EPHA6: variants seen among roughly 807,000 people sequenced by gnomAD.
EPHA6 encodes ephrin type-A receptor 6.
A neutral mutation model predicts 112.0 loss-of-function variants in EPHA6; 50 were observed. The observed-to-expected ratio is 0.45, with a 90% CI of 0.36 to 0.56. EPHA6 has a LOEUF of 0.56. EPHA6 is among the 20% of genes least tolerant of loss of function. EPHA6 has a pLI of 0.00. For missense variants in EPHA6, 1,280 were observed against 1,417.4 expected (o/e 0.90, Z 1.56); for synonymous variants, 529 against 490.7 (o/e 1.08, Z -1.03).
chr3:97,074,810 C>A lies in EPHA6; in HGVS notation c.1114+86817C>A, dbSNP rs533460152. ...TCTTTTCACAACTCTCAGCATTGTTCTCTGAACTCTGGATATCTAAAAACA... is the reference window on the plus strand; with the variant it reads ...TCTTTTCACAACTCTCAGCATTGTTATCTGAACTCTGGATATCTAAAAACA... On this transcript the variant is annotated intron_variant, in intron 3 of 17. Coordinates refer to ENST00000389672, the MANE Select transcript of EPHA6 (RefSeq NM_001080448.3). Among the ~76,000 whole-genome samples the A allele has an allele frequency of 2.0e-5, 3 of 152,038 alleles. No individual in the cohort carries two copies. The South Asian group carries it at 6.2e-4, about 32-fold the overall frequency.
At chr3:96,842,511 C>G (rs1037991008) in intron 1 of EPHA6, among the ~76,000 whole-genome samples, 6 of 152,020 alleles carry the variant, frequency 3.9e-5, no homozygotes, top group African/African-American at 1.4e-4. Flanking sequence ...CTAATTATTT[C>G]TTTAGCACTA....
At chr3:97,031,791 GA>G (rs1026880559) in intron 3 of EPHA6, among the ~76,000 whole-genome samples, 8 of 152,060 alleles carry the variant, frequency 5.3e-5, no homozygotes, top group Non-Finnish European at 8.8e-5. Context: ...AAAAAGTCAG[GA>G]AACAACAGGT....
chr3:96,822,443 C>G (rs1169620508), intron 1 of EPHA6, among the ~76,000 whole-genome samples: 1 of 151,754 alleles, frequency 6.6e-6, no homozygotes, highest in Non-Finnish European at 1.5e-5. Context: ...TCTGAGTCCT[C>G]CAGCTTTTGG....
At chr3:97,480,172 T>A (rs1354561519) in intron 9 of EPHA6, among the ~76,000 whole-genome samples, 2 of 152,048 alleles carry the variant, frequency 1.3e-5, no homozygotes, top group African/African-American at 4.8e-5. Flanking sequence ...AACTTTTATT[T>A]TTTATTATTA....
At chr3:97,389,074 T>C (rs1401554429) in intron 5 of EPHA6, among the ~76,000 whole-genome samples, 1 of 152,114 alleles carries the variant, frequency 6.6e-6, no homozygotes, top group Non-Finnish European at 1.5e-5. Context: ...GAAAGGGAAC[T>C]AACAGGCTAC....
chr3:96,878,310 T>C (rs2037097764), intron 2 of EPHA6, among the ~76,000 whole-genome samples: 1 of 148,114 alleles, frequency 6.8e-6, no homozygotes, highest in Admixed American at 6.8e-5. Context: ...GCCTGGAAAA[T>C]AGAGAGAGAG....
At chr3:97,026,981 A>G (rs542622900) in intron 3 of EPHA6, among the ~76,000 whole-genome samples, 79 of 152,316 alleles carry the variant, frequency 5.2e-4, no homozygotes, top group Middle Eastern at 3.4e-3. Context: ...ATAAAGTCAC[A>G]TGAATGTGTA....
At position 97,380,148 on chromosome 3, in the gene EPHA6, A is replaced by C. The variant is rs910345745; in HGVS notation, c.1607-25002A>C. Among the ~76,000 whole-genome samples, 8 of 152,304 alleles carry C rather than the reference A, an allele frequency of 5.3e-5. No homozygotes were observed. In the East Asian group the frequency reaches 1.4e-3, roughly 26 times the overall value. ...CCTTTAATACCTGATCTGTCTGCAGAATTAAAAGATTTTCTGCATTAATGT... is the reference window on the plus strand; with the variant it reads ...CCTTTAATACCTGATCTGTCTGCAGCATTAAAAGATTTTCTGCATTAATGT... On this transcript the variant is annotated intron_variant, in intron 5 of 17. Transcript: ENST00000389672.
chr3:97,205,792 C>A (rs899462110), intron 3 of EPHA6, among the ~76,000 whole-genome samples: 4 of 151,954 alleles, frequency 2.6e-5, no homozygotes, highest in African/African-American at 9.7e-5. Context: ...GGCTGATTGA[C>A]CTTAGGTAGT....
chr3:97,723,945 G>A (rs1174622608), intron 15 of EPHA6, among the ~76,000 whole-genome samples: 2 of 152,058 alleles, frequency 1.3e-5, no homozygotes, highest in Non-Finnish European at 2.9e-5. Flanking sequence ...TCCAAATACT[G>A]GCTATTCCCT....
intron 2 of EPHA6, among the ~76,000 whole-genome samples, chr3:96,901,036 G>C (rs1435222688): frequency 1.3e-5 from 2 of 151,984 alleles, no homozygotes; most frequent in Non-Finnish European, 2.9e-5. Flanking sequence ...ATCAGTGTTG[G>C]TTCTATCTAC....
intron 3 of EPHA6, among the ~76,000 whole-genome samples, chr3:96,993,335 T>A (rs528348538): frequency 6.6e-6 from 1 of 151,452 alleles, no homozygotes; most frequent in Non-Finnish European, 1.5e-5. Context: ...TCTCTCTCTG[T>A]CACCAGGCTA....
intron 5 of EPHA6, among the ~76,000 whole-genome samples, chr3:97,370,235 T>C (rs1372862760): frequency 1.3e-5 from 2 of 152,184 alleles, no homozygotes; most frequent in Non-Finnish European, 2.9e-5. Flanking sequence ...AGTAACTCAT[T>C]TTCCTGAAAA....
rs778830205 is a variant in EPHA6, at chr3:97,756,354, GTTAAAT to G, written c.*7658_*7663del. ...TGTCAATGTGATTGATATGCTCATT[GTTAAAT>G]TTAACTTGTTTAAATATCCATTGGT... is the stretch of plus-strand genomic sequence containing the variant. On this transcript the variant is annotated 3_prime_UTR_variant, in exon 18 of 18. Coordinates refer to ENST00000389672, the MANE Select transcript of EPHA6 (RefSeq NM_001080448.3). 1.3e-5 allele frequency among the ~76,000 whole-genome samples: 2 copies of G among 151,838 alleles called. No individual in the cohort carries two copies. Among genetic ancestry groups the G allele is most frequent in the Non-Finnish European group, 2.9e-5 (2 of 67,800 alleles).
chr3:97,184,266 C>T (rs761011314), intron 3 of EPHA6, among the ~76,000 whole-genome samples: 1 of 152,098 alleles, frequency 6.6e-6, no homozygotes, highest in Non-Finnish European at 1.5e-5. Flanking sequence ...AAGCAACTTT[C>T]CAATCAACAG....
At chr3:97,023,614 G>A (rs1229520744) in intron 3 of EPHA6, among the ~76,000 whole-genome samples, 1 of 150,198 alleles carries the variant, frequency 6.7e-6, no homozygotes, top group South Asian at 2.1e-4. Flanking sequence ...AGGGAAAATA[G>A]GTTTTCAACT....
chr3:97,226,161 C>T (rs943759586), intron 3 of EPHA6, 103 bp from the exon 4 acceptor site: 23 of 893,886 alleles, frequency 2.6e-5, no homozygotes, highest in African/African-American at 2.4e-4. Context: ...TAACACTGTA[C>T]TCTGAGATCC....
intron 3 of EPHA6, among the ~76,000 whole-genome samples, chr3:97,124,928 T>C (rs2048142684): frequency 6.6e-6 from 1 of 152,196 alleles, no homozygotes; most frequent in South Asian, 2.1e-4. Context: ...TTTGACTTGC[T>C]GGAAGCATAA....
intron 3 of EPHA6, among the ~76,000 whole-genome samples, chr3:97,013,688 AATGG>A (rs2044167693): frequency 6.6e-6 from 1 of 152,290 alleles, no homozygotes; most frequent in South Asian, 2.1e-4. Context: ...ATATGTTTAA[AATGG>A]ATGTTCTTTG....
Sources: gnomAD v4.1 joint callset for allele counts (sites outside exome capture counted in the v4.1 genomes callset) on GRCh38, gnomAD v4.1.1 for gene constraint, MANE v1.5 for transcripts, NCBI Gene and HGNC (gene_info 2026-07-23, HGNC 2026-07-21) for gene names.